The following HDAC9 variants were observed in gnomAD, a reference collection of about 807,000 sequenced individuals.
HDAC9 encodes MEF-2 interacting transcription repressor (MITR) protein.
A neutral mutation model predicts 139.4 loss-of-function variants in HDAC9; 41 were observed. That is an observed-to-expected ratio of 0.29 (90% CI 0.23 to 0.38). The LOEUF (loss-of-function observed/expected upper bound fraction) is 0.38, where lower values mean the gene tolerates loss of function less well. Ranked by LOEUF, HDAC9 falls within the 10% of genes least tolerant of loss-of-function variation. The pLI, the probability that HDAC9 is intolerant of heterozygous loss-of-function variation, is 1.00. For missense variants in HDAC9, 1,147 were observed against 1,297.0 expected (o/e 0.88, Z 1.78); for synonymous variants, 517 against 476.2 (o/e 1.09, Z -1.12).
intron 12 of HDAC9, among the ~76,000 whole-genome samples, chr7:18,683,524 G>C (rs1285284171): frequency 1.3e-5 from 2 of 151,800 alleles, no homozygotes; most frequent in East Asian, 3.9e-4. Context: ...AAGTAGGAAG[G>C]ATCTTTACTT....
At chr7:18,477,406 C>CGTGTGTGTGT (rs879309051) in intron 1 of HDAC9, among the ~76,000 whole-genome samples, 6 of 151,946 alleles carry the variant, frequency 3.9e-5, no homozygotes, top group African/African-American at 1.5e-4. Flanking sequence ...TGCGTGCGTG[C>CGTGTGTGTGT]ATGCGTGTGT....
intron 1 of HDAC9, among the ~76,000 whole-genome samples, chr7:18,108,107 G>A (rs934633661): frequency 1.3e-5 from 2 of 152,216 alleles, no homozygotes; most frequent in Admixed American, 1.3e-4. Context: ...TACATGAGAA[G>A]CAAGGGAGTT....
chr7:18,931,276 T>A (rs1804718782), intron 22 of HDAC9, among the ~76,000 whole-genome samples: 1 of 152,176 alleles, frequency 6.6e-6, no homozygotes, highest in Non-Finnish European at 1.5e-5. Flanking sequence ...TCTGAATGTT[T>A]ATCATTCTTT....
At chr7:18,447,976 G>T (rs1424235040) in intron 1 of HDAC9, among the ~76,000 whole-genome samples, 1 of 152,130 alleles carries the variant, frequency 6.6e-6, no homozygotes, top group East Asian at 1.9e-4. Context: ...TAATAGCTGG[G>T]ATTACAGACG....
At position 18,959,084 on chromosome 7, in the gene HDAC9, A is replaced by G. The variant is rs564361999; in HGVS notation, c.3022+4854A>G. ...CCCACCCTAGTGATTTACAGCATCC[A>G]TGCACCGTTGAATTCGTTCACTTTT... On this transcript the variant is annotated intron_variant, in intron 24 of 25. Transcript: ENST00000686413. 2.6e-5 allele frequency among the ~76,000 whole-genome samples: 4 copies of G among 152,274 alleles called. No individual in the cohort carries two copies. The South Asian group carries it at 8.3e-4, about 32-fold the overall frequency.
intron 6 of HDAC9, among the ~76,000 whole-genome samples, chr7:18,594,556 G>C (rs747258126): frequency 6.6e-6 from 1 of 152,006 alleles, no homozygotes; most frequent in Non-Finnish European, 1.5e-5. Context: ...ATAGAACTCA[G>C]AGTGAAATTA....
chr7:18,189,488 A>G (rs1790176919), intron 2 of HDAC9, among the ~76,000 whole-genome samples: 2 of 152,150 alleles, frequency 1.3e-5, no homozygotes, highest in South Asian at 2.1e-4. Context: ...TTTAGAAGAA[A>G]TAAAGAAAAA....
chr7:18,947,383 G>A (rs559675433), intron 23 of HDAC9, among the ~76,000 whole-genome samples: 2 of 151,972 alleles, frequency 1.3e-5, no homozygotes, highest in Middle Eastern at 3.4e-3. Context: ...GAAAAAGCAT[G>A]CATGCCCAGC....
intron 11 of HDAC9, among the ~76,000 whole-genome samples, chr7:18,663,522 A>G (rs917213591): frequency 1.3e-5 from 2 of 151,880 alleles, no homozygotes; most frequent in Non-Finnish European, 2.9e-5. Flanking sequence ...TCTCTGGCTA[A>G]TCTTTCATCC....
At chr7:18,350,016 A>T (rs1432291833) in intron 1 of HDAC9, among the ~76,000 whole-genome samples, 1 of 152,146 alleles carries the variant, frequency 6.6e-6, no homozygotes, top group Non-Finnish European at 1.5e-5. Context: ...TAATAGTAGT[A>T]TATAAGCATG....
At chr7:18,769,577 T>C (rs1221769421) in intron 16 of HDAC9, among the ~76,000 whole-genome samples, 2 of 152,062 alleles carry the variant, frequency 1.3e-5, no homozygotes, top group East Asian at 3.9e-4. Flanking sequence ...TGTGTGCAAG[T>C]TTGCACTTGC....
chr7:18,969,713 C>T (rs1172393853), intron 24 of HDAC9, among the ~76,000 whole-genome samples: 1 of 147,300 alleles, frequency 6.8e-6, no homozygotes, highest in Non-Finnish European at 1.5e-5. Context: ...TTTTAAAAGT[C>T]CGAACTTTGG....
chr7:18,895,365 T>A (rs541988751), intron 22 of HDAC9, among the ~76,000 whole-genome samples: 26 of 152,188 alleles, frequency 1.7e-4, no homozygotes, highest in Admixed American at 5.9e-4. Context: ...AATGAAAAAT[T>A]GGTAGGATCA....
rs181916696 is a variant in HDAC9, at chr7:18,930,620, A to T, written c.2804-5189A>T. Among the ~76,000 whole-genome samples the T allele has an allele frequency of 2.3e-4, 12 of 51,538 alleles. No homozygotes were observed. The East Asian group carries it at 3.2e-3, about 14-fold the overall frequency. 33.8% of individuals were successfully genotyped at this position (51,538 alleles called of 152,430 possible). A position where few individuals can be genotyped will look rare whatever the true frequency, so the allele number is the denominator to read the frequency against. On this transcript the variant is annotated intron_variant, in intron 22 of 25. Transcript: ENST00000686413. ...CAGCAGAATTCAGGATAATAAAATT[A>T]AAAAAAAATACTGAATTGCTTATTT...
chr7:18,909,084 A>G (rs1485556470), intron 22 of HDAC9, among the ~76,000 whole-genome samples: 1 of 152,078 alleles, frequency 6.6e-6, no homozygotes, highest in Non-Finnish European at 1.5e-5. Context: ...CATAATAGCC[A>G]TTCTAACCGG....
chr7:18,365,797 G>T (rs1048500736), intron 1 of HDAC9, among the ~76,000 whole-genome samples: 28 of 152,056 alleles, frequency 1.8e-4, no homozygotes, highest in African/African-American at 6.7e-4. Context: ...GCATTTTCTA[G>T]AATGAAAAAC....
At chr7:18,142,010 C>T (rs1488101702) in intron 1 of HDAC9, among the ~76,000 whole-genome samples, 2 of 152,068 alleles carry the variant, frequency 1.3e-5, no homozygotes, top group East Asian at 1.9e-4. Context: ...CTTAATTTAT[C>T]GAATTGACCC....
At chr7:18,716,942 T>C (rs1393830463) in intron 12 of HDAC9, among the ~76,000 whole-genome samples, 2 of 151,900 alleles carry the variant, frequency 1.3e-5, no homozygotes, top group African/African-American at 2.4e-5. Flanking sequence ...TTCTTCATGA[T>C]TTGAAAACAA....
chr7:18,368,300 C>A lies in HDAC9; in HGVS notation c.-42+77785C>A, dbSNP rs541303813. On this transcript the variant is annotated intron_variant, in intron 1 of 3. Transcript: ENST00000413509. ...GTGATCTATCACTTTACCTTTTAAT[C>A]CATCTGGGATTTTTTTGTGTTTGGT... 3.9e-5 allele frequency among the ~76,000 whole-genome samples: 6 copies of A among 152,112 alleles called. No homozygotes were observed. In the East Asian group the frequency reaches 9.7e-4, roughly 25 times the overall value.
Sources: gnomAD v4.1 joint callset for allele counts (sites outside exome capture counted in the v4.1 genomes callset) on GRCh38, gnomAD v4.1.1 for gene constraint, MANE v1.5 for transcripts, NCBI Gene and HGNC (gene_info 2026-07-23, HGNC 2026-07-21) for gene names.